DKK3: variants seen among roughly 807,000 people sequenced by gnomAD.
DKK3 encodes dickkopf Wnt signaling pathway inhibitor 3.
In DKK3, 22 loss-of-function variants were observed where a neutral mutation model predicts 33.2. The observed-to-expected ratio is 0.66, with a 90% confidence interval of 0.47 to 0.95. The LOEUF (loss-of-function observed/expected upper bound fraction) is 0.95, where lower values mean the gene tolerates loss of function less well. Ranked by LOEUF, DKK3 falls within the 40% of genes least tolerant of loss-of-function variation. The pLI, the probability that DKK3 is intolerant of heterozygous loss-of-function variation, is 0.00. For missense variants in DKK3, 398 were observed against 458.4 expected (o/e 0.87, Z 1.20); for synonymous variants, 194 against 188.8 (o/e 1.03, Z -0.23).
chr11:11,964,318 A>C lies in DKK3; in HGVS notation c.*146T>G. 2 of 1,040,912 alleles carry C rather than the reference A, an allele frequency of 1.9e-6. No homozygotes were observed. Among genetic ancestry groups the C allele is most frequent in the African/African-American group, 3.2e-5 (2 of 62,864 alleles). 64.5% of individuals were successfully genotyped at this position (1,040,912 alleles called of 1,614,324 possible). ...CAGCCTGGGGGAGCTGAACAAATGC[A>C]CAACACCTCATGCTGTCAAGCCAGA... On this transcript the variant is annotated 3_prime_UTR_variant, in exon 7 of 7. Transcript: ENST00000683431.
At position 11,965,939 on chromosome 11, in the gene DKK3, G is replaced by A. The variant is rs1847582923; in HGVS notation, c.700C>T (p.Leu234=). ...TGGCAAAGCTCGCCCTCCACGGGCA[G>A]GGGTGTGCACACAGGGAACAGCAGG... is the stretch of plus-strand genomic sequence containing the variant. ...RGLLFPVCTP[L]PVEGELCHDP... Residue 234 remains leucine, a synonymous_variant, in exon 6 of 7, where the codon CTG becomes TTG. Coordinates refer to ENST00000683431, the MANE Select transcript of DKK3 (RefSeq NM_001018057.2). The A allele has an allele frequency of 4.3e-6, 7 of 1,613,388 alleles. No individual in the cohort carries two copies. The highest frequency in any genetic ancestry group is 5.9e-6 in the Non-Finnish European group (7 of 1,179,900).
At chr11:11,981,300 G>C (rs1003862319) in intron 3 of DKK3, among the ~76,000 whole-genome samples, 1 of 152,170 alleles carries the variant, frequency 6.6e-6, no homozygotes, top group Non-Finnish European at 1.5e-5. Context: ...TAGGGTTCCA[G>C]GCAACAGCCA....
intron 3 of DKK3, among the ~76,000 whole-genome samples, chr11:11,986,365 C>G (rs1051478001): frequency 3.3e-5 from 5 of 152,130 alleles, no homozygotes; most frequent in Admixed American, 1.3e-4. Context: ...TTAGAATGTT[C>G]CTTTTCAGCA....
chr11:12,000,013 T>G (rs1848389139), intron 2 of DKK3, among the ~76,000 whole-genome samples: 1 of 152,240 alleles, frequency 6.6e-6, no homozygotes, highest in African/African-American at 2.4e-5. Flanking sequence ...ATGTCATATT[T>G]TAAAAAATTC....
intron 3 of DKK3, among the ~76,000 whole-genome samples, chr11:11,987,105 G>A (rs954918537): frequency 6.6e-6 from 1 of 152,172 alleles, no homozygotes; most frequent in African/African-American, 2.4e-5. Flanking sequence ...CAGACACAGG[G>A]ATACGGAGGT....
chr11:11,986,586 T>C (rs1035042392), intron 3 of DKK3, among the ~76,000 whole-genome samples: 2 of 152,176 alleles, frequency 1.3e-5, no homozygotes, highest in African/African-American at 4.8e-5. Context: ...TGACTCTTGA[T>C]GTTAATGACA....
chr11:11,975,244 G>C (rs982022604), intron 3 of DKK3, among the ~76,000 whole-genome samples: 2 of 152,206 alleles, frequency 1.3e-5, no homozygotes, highest in African/African-American at 2.4e-5. Flanking sequence ...CGCACAGTCA[G>C]CTCTGTTCCT....
chr11:12,009,535 G>A, upstream of DKK3: 1 of 964,880 alleles, frequency 1.0e-6, no homozygotes. Context: ...CTCCTTCACT[G>A]CCTGCCCCTG....
At chr11:11,969,115 G>T (rs1847669124) in intron 3 of DKK3, among the ~76,000 whole-genome samples, 1 of 152,174 alleles carries the variant, frequency 6.6e-6, no homozygotes. Context: ...GCTCTGCCTG[G>T]CTGGAGAAAC....
At chr11:11,973,670 C>A (rs1478929308) in intron 3 of DKK3, among the ~76,000 whole-genome samples, 1 of 152,176 alleles carries the variant, frequency 6.6e-6, no homozygotes, top group Non-Finnish European at 1.5e-5. Flanking sequence ...CAGAAGCTGG[C>A]GGGAGCGAGG....
At chr11:11,990,753 T>C (rs1461636129) in intron 3 of DKK3, among the ~76,000 whole-genome samples, 5 of 152,242 alleles carry the variant, frequency 3.3e-5, no homozygotes, top group Non-Finnish European at 7.3e-5. Flanking sequence ...CATATTCTTA[T>C]TTCCACATGC....
intron 2 of DKK3, among the ~76,000 whole-genome samples, chr11:12,001,072 G>C (rs1210576045): frequency 1.3e-5 from 2 of 152,134 alleles, no homozygotes; most frequent in African/African-American, 4.8e-5. Context: ...ACTAGTGACT[G>C]GTAGGACTCA....
rs1847510485 is a variant in DKK3, at chr11:11,963,639, T to C, written c.*825A>G. ...GTTTGACCTTAATTCCAGATGTGCA[T>C]GCCTCAAAAGAAAAATCCCATTCTC... is the stretch of plus-strand genomic sequence containing the variant. On this transcript the variant is annotated 3_prime_UTR_variant, in exon 7 of 7. Transcript: ENST00000683431. The C allele has an allele frequency of 6.6e-6, 1 of 152,240 alleles. No homozygotes were observed. The allele number at this position is 152,240 out of a possible 1,614,324, so 9.4% of individuals were successfully genotyped here.
At chr11:11,980,910 G>A (rs1352780356) in intron 3 of DKK3, among the ~76,000 whole-genome samples, 2 of 152,144 alleles carry the variant, frequency 1.3e-5, no homozygotes, top group African/African-American at 4.8e-5. Flanking sequence ...GTGTTTCCAG[G>A]CAACCCAAGG....
intron 3 of DKK3, among the ~76,000 whole-genome samples, chr11:11,996,724 G>T (rs1454162653): frequency 6.6e-6 from 1 of 152,198 alleles, no homozygotes; most frequent in Non-Finnish European, 1.5e-5. Context: ...CAGCACGTGG[G>T]GTACTTAGAT....
At chr11:11,977,722 T>C (rs1847864234) in intron 3 of DKK3, among the ~76,000 whole-genome samples, 1 of 152,118 alleles carries the variant, frequency 6.6e-6, no homozygotes, top group African/African-American at 2.4e-5. Flanking sequence ...TAGCACTCCA[T>C]ATGCAGAAGA....
At chr11:11,993,713 T>C (rs1848233160) in intron 3 of DKK3, among the ~76,000 whole-genome samples, 1 of 152,176 alleles carries the variant, frequency 6.6e-6, no homozygotes, top group Non-Finnish European at 1.5e-5. Flanking sequence ...AATCACGAAG[T>C]CAACGCAAAA....
intron 1 of DKK3, among the ~76,000 whole-genome samples, chr11:12,003,264 T>C (rs1228452665): frequency 6.6e-6 from 1 of 152,150 alleles, no homozygotes; most frequent in African/African-American, 2.4e-5. Flanking sequence ...TTACTCCCTG[T>C]AGGTAGGGCC....
chr11:11,985,949 G>A (rs1310419323), intron 3 of DKK3, among the ~76,000 whole-genome samples: 1 of 152,118 alleles, frequency 6.6e-6, no homozygotes, highest in Non-Finnish European at 1.5e-5. Flanking sequence ...TGTTCTTTCT[G>A]GGGAAGGAGG....
Sources: gnomAD v4.1 joint callset for allele counts (sites outside exome capture counted in the v4.1 genomes callset) on GRCh38, gnomAD v4.1.1 for gene constraint, MANE v1.5 for transcripts, NCBI Gene and HGNC (gene_info 2026-07-23, HGNC 2026-07-21) for gene names.